FAR2: variants seen among roughly 807,000 people sequenced by gnomAD.
FAR2 encodes epididymis secretory protein Li 81.
In FAR2, 19 loss-of-function variants were observed where a neutral mutation model predicts 56.0. The ratio of observed to expected loss-of-function variants is 0.34; its 90% CI spans 0.24 to 0.50. The LOEUF is 0.50. Ranked by LOEUF, FAR2 falls within the 20% of genes least tolerant of loss-of-function variation. The pLI, the probability that FAR2 is intolerant of heterozygous loss-of-function variation, is 0.98. For missense variants in FAR2, 508 were observed against 642.2 expected, an observed-to-expected ratio of 0.79 and a Z score of 2.26; for synonymous variants, 219 against 218.8, an observed-to-expected ratio of 1.00 and a Z score of -0.01.
intron 1 of FAR2, among the ~76,000 whole-genome samples, chr12:29,220,759 C>A (rs929772805): frequency 2.0e-5 from 3 of 151,954 alleles, no homozygotes; most frequent in Non-Finnish European, 1.5e-5. Flanking sequence ...GACCAAGGGA[C>A]AAAAGGCACA....
intron 1 of FAR2, among the ~76,000 whole-genome samples, chr12:29,206,812 C>T (rs1865768): frequency 0.65 from 98,144 of 151,926 alleles, 33,412 homozygotes; most frequent in Non-Finnish European, 0.76. Context: ...CCCAGAGTAG[C>T]GTGGGCAGGC....
intron 1 of FAR2, among the ~76,000 whole-genome samples, chr12:29,250,558 C>T (rs755542527): frequency 1.3e-5 from 2 of 152,048 alleles, no homozygotes; most frequent in Non-Finnish European, 2.9e-5. Flanking sequence ...TACACTGAGA[C>T]GGTCTAGAAA....
At chr12:29,219,347 A>G (rs543407368) in intron 1 of FAR2, among the ~76,000 whole-genome samples, 66 of 152,210 alleles carry the variant, frequency 4.3e-4, no homozygotes, top group Middle Eastern at 3.2e-3. Flanking sequence ...AATTGCTATA[A>G]TCTCTCTTGG....
In FAR2 at chr12:29,333,825, C is replaced by A. The variant is rs190195431; in HGVS notation, c.*31C>A. On this transcript the variant is annotated 3_prime_UTR_variant, in exon 12 of 12. Transcript: ENST00000536681. Reference sequence around the variant, plus strand: ...TTTAGCCATCGCTTTTTATCTGGAACCTCTCAGATACCTCTAAAACAGCAA... The same window carrying A: ...TTTAGCCATCGCTTTTTATCTGGAAACTCTCAGATACCTCTAAAACAGCAA... 1.3e-6 allele frequency: 2 copies of A among 1,599,234 alleles called. No individual in the cohort carries two copies. Among genetic ancestry groups the A allele is most frequent in the Non-Finnish European group, 1.7e-6 (2 of 1,169,156 alleles).
chr12:29,324,821 C>A (rs1468424318), intron 10 of FAR2, among the ~76,000 whole-genome samples: 2 of 152,182 alleles, frequency 1.3e-5, no homozygotes, highest in Non-Finnish European at 2.9e-5. Context: ...ATCATCAAGG[C>A]TAGGAAGAAA....
At chr12:29,317,644 C>CA (rs1555124510) in intron 9 of FAR2, 3 of 152,608 alleles carry the variant, frequency 2.0e-5, no homozygotes, top group Admixed American at 6.5e-5. Flanking sequence ...GAGACTCTGT[C>CA]ACTAGGGTTT....
At chr12:29,274,587 T>A (rs928142346) in intron 2 of FAR2, among the ~76,000 whole-genome samples, 6 of 152,048 alleles carry the variant, frequency 3.9e-5, no homozygotes, top group Non-Finnish European at 7.4e-5. Flanking sequence ...AGCCATCATA[T>A]CCCCTGTGAC....
At chr12:29,178,359 T>G (rs1949958601) in intron 1 of FAR2, among the ~76,000 whole-genome samples, 1 of 152,204 alleles carries the variant, frequency 6.6e-6, no homozygotes, top group Non-Finnish European at 1.5e-5. Context: ...TTTGGGAGGC[T>G]GAGGTGGGCA....
intron 8 of FAR2, among the ~76,000 whole-genome samples, chr12:29,313,366 A>C (rs1949385485): frequency 6.6e-6 from 1 of 152,186 alleles, no homozygotes; most frequent in African/African-American, 2.4e-5. Context: ...GACTCTTCAA[A>C]TTTTAAACTA....
chr12:29,185,523 G>A (rs1950033397), intron 1 of FAR2, among the ~76,000 whole-genome samples: 1 of 152,270 alleles, frequency 6.6e-6, no homozygotes, highest in South Asian at 2.1e-4. Context: ...TGATTTTGTA[G>A]TTCAGCCCTC....
intron 2 of FAR2, among the ~76,000 whole-genome samples, chr12:29,290,990 G>A (rs1318685141): frequency 6.6e-6 from 1 of 152,154 alleles, no homozygotes; most frequent in African/African-American, 2.4e-5. Context: ...AATTTAAAGA[G>A]TATAATTGGA....
At chr12:29,213,689 C>CAAA (rs34410137) in intron 1 of FAR2, among the ~76,000 whole-genome samples, 3,575 of 130,528 alleles carry the variant, frequency 0.027, 161 homozygotes, top group African/African-American at 0.091. Flanking sequence ...GACTCTGTCT[C>CAAA]AAAAAAAAAA....
chr12:29,263,399 T>C (rs979381660), intron 1 of FAR2, among the ~76,000 whole-genome samples: 1 of 152,060 alleles, frequency 6.6e-6, no homozygotes, highest in Non-Finnish European at 1.5e-5. Context: ...ATATATTAGG[T>C]CACAAAACAG....
At chr12:29,233,175 A>G (rs1947886125) in intron 1 of FAR2, among the ~76,000 whole-genome samples, 1 of 152,114 alleles carries the variant, frequency 6.6e-6, no homozygotes, top group South Asian at 2.1e-4. Context: ...TTTTCTTGCT[A>G]CCGTCCCTAT....
chr12:29,272,765 T>C (rs1443591248), intron 2 of FAR2, among the ~76,000 whole-genome samples: 1 of 152,190 alleles, frequency 6.6e-6, no homozygotes, highest in Admixed American at 6.5e-5. Flanking sequence ...CTTATCTTTG[T>C]GAGTTTGTCT....
chr12:29,291,118 CCTA>C (rs1486545211), intron 2 of FAR2, among the ~76,000 whole-genome samples: 1 of 151,960 alleles, frequency 6.6e-6, no homozygotes, highest in Non-Finnish European at 1.5e-5. Flanking sequence ...AATATATATA[CCTA>C]CTATGTACCC....
At chr12:29,321,683 T>C in intron 9 of FAR2, 112 bp from the exon 10 acceptor site, 1 of 1,219,470 alleles carries the variant, frequency 8.2e-7, no homozygotes, top group Non-Finnish European at 1.1e-6. Context: ...TAATGAGGAG[T>C]GGTAGACAGG....
At chr12:29,286,032 C>G (rs2136735631) in intron 2 of FAR2, among the ~76,000 whole-genome samples, 1 of 150,508 alleles carries the variant, frequency 6.6e-6, no homozygotes, top group African/African-American at 2.5e-5. Context: ...AGGATAAAAT[C>G]AGAAACGTTG....
intron 1 of FAR2, among the ~76,000 whole-genome samples, chr12:29,269,360 G>A (rs750812020): frequency 3.9e-5 from 6 of 152,194 alleles, no homozygotes; most frequent in Non-Finnish European, 7.3e-5. Context: ...GGCAGTCAGA[G>A]TTTAAGGTTA....
Sources: allele counts gnomAD v4.1 joint callset (sites outside exome capture counted in the v4.1 genomes callset), GRCh38; gene constraint gnomAD v4.1.1; transcripts MANE v1.5; gene names NCBI Gene and HGNC (gene_info 2026-07-23, HGNC 2026-07-21).